The following TMIGD3 variants were observed in gnomAD, a reference collection of about 807,000 sequenced individuals.
TMIGD3 encodes AD026 protein (AD026).
A neutral mutation model predicts 28.1 loss-of-function variants in TMIGD3; 21 were observed. That is an observed-to-expected ratio of 0.75 (90% CI 0.53 to 1.08). TMIGD3 has a LOEUF of 1.08. Among genes scored for constraint, TMIGD3 ranks in the 50% least tolerant of loss-of-function variants. The pLI, the probability that TMIGD3 is intolerant of heterozygous loss-of-function variation, is 0.00. For missense variants in TMIGD3, 416 were observed against 435.6 expected, an observed-to-expected ratio of 0.96 and a Z score of 0.40; for synonymous variants, 151 against 162.1, an observed-to-expected ratio of 0.93 and a Z score of 0.52.
chr1:111,538,581 G>A (rs1366576396), intron 1 of TMIGD3, among the ~76,000 whole-genome samples: 1 of 152,138 alleles, frequency 6.6e-6, no homozygotes, highest in African/African-American at 2.4e-5. Flanking sequence ...GATGTGCCAG[G>A]AACCAAGCCC....
At chr1:111,534,031 GA>G (rs1165083605) in intron 1 of TMIGD3, among the ~76,000 whole-genome samples, 2 of 152,040 alleles carry the variant, frequency 1.3e-5, no homozygotes, top group African/African-American at 4.8e-5. Flanking sequence ...TTGTTCTGAG[GA>G]TAAGTTAATA....
At chr1:111,559,687 C>T (rs1490407923) in intron 1 of TMIGD3, among the ~76,000 whole-genome samples, 1 of 152,044 alleles carries the variant, frequency 6.6e-6, no homozygotes, top group Non-Finnish European at 1.5e-5. Flanking sequence ...TTAAAACATC[C>T]ATGTTCCTTT....
chr1:111,562,658 G>T (rs923162678), intron 1 of TMIGD3, among the ~76,000 whole-genome samples: 59 of 152,162 alleles, frequency 3.9e-4, no homozygotes, highest in African/African-American at 1.4e-3. Flanking sequence ...TAAACCCACT[G>T]CCATGTTTCA....
chr1:111,519,141 G>A (rs939421656), intron 1 of TMIGD3, among the ~76,000 whole-genome samples: 1 of 152,118 alleles, frequency 6.6e-6, no homozygotes, highest in African/African-American at 2.4e-5. Context: ...GTTTCACCAT[G>A]TTGGCCAGGC....
At chr1:111,546,513 C>A (rs928115761) in intron 1 of TMIGD3, among the ~76,000 whole-genome samples, 1 of 152,138 alleles carries the variant, frequency 6.6e-6, no homozygotes, top group African/African-American at 2.4e-5. Flanking sequence ...TAAGTGAAAT[C>A]ACATAATACT....
At chr1:111,505,123 CCAA>C (rs1655439234), upstream of TMIGD3, 22 of 141,262 alleles carry the variant, frequency 1.6e-4, no homozygotes, top group Non-Finnish European at 2.2e-4. Context: ...CAGCACTCTG[CCAA>C]AAAAAAAAAA....
intron 1 of TMIGD3, among the ~76,000 whole-genome samples, chr1:111,533,189 G>A (rs1656512297): frequency 6.6e-6 from 1 of 152,114 alleles, no homozygotes; most frequent in Admixed American, 6.6e-5. Flanking sequence ...GTACGTGGAG[G>A]ACACAAGTTT....
chr1:111,486,533 C>A, intron 4 of TMIGD3, 53 bp downstream of exon 4: 1 of 1,405,636 alleles, frequency 7.1e-7, no homozygotes, highest in South Asian at 1.2e-5. Context: ...ACCCCAGCCC[C>A]TACCTCCACC....
chr1:111,491,384 G>A (rs1307234462), intron 1 of TMIGD3, among the ~76,000 whole-genome samples: 18 of 152,250 alleles, frequency 1.2e-4, no homozygotes, highest in Non-Finnish European at 2.6e-4. Flanking sequence ...CTATGCAGCA[G>A]CAGCTTCTCC....
intron 1 of TMIGD3, among the ~76,000 whole-genome samples, chr1:111,491,065 C>T (rs1415536397): frequency 1.3e-5 from 2 of 152,244 alleles, no homozygotes; most frequent in African/African-American, 4.8e-5. Flanking sequence ...TGTCCTGCTG[C>T]CAATGGTCCT....
intron 1 of TMIGD3, among the ~76,000 whole-genome samples, chr1:111,541,738 A>G (rs1446953532): frequency 6.6e-6 from 1 of 152,162 alleles, no homozygotes. Flanking sequence ...AGCAGACCCT[A>G]AGAAACCCAA....
chr1:111,519,004 T>G (rs1022369135), intron 1 of TMIGD3, among the ~76,000 whole-genome samples: 1 of 152,214 alleles, frequency 6.6e-6, no homozygotes, highest in Non-Finnish European at 1.5e-5. Context: ...AGTGCCGTGA[T>G]CTTGACTCAC....
intron 1 of TMIGD3, among the ~76,000 whole-genome samples, chr1:111,496,180 T>G (rs1203134031): frequency 1.3e-5 from 2 of 152,168 alleles, no homozygotes; most frequent in Non-Finnish European, 2.9e-5. Context: ...AAATTAAAAT[T>G]TTTAAAAAGA....
At chr1:111,560,375 G>A (rs551435030) in intron 1 of TMIGD3, among the ~76,000 whole-genome samples, 1 of 151,834 alleles carries the variant, frequency 6.6e-6, no homozygotes, top group Non-Finnish European at 1.5e-5. Context: ...TAAGGCAGGG[G>A]CTGATATTCA....
At chr1:111,520,546 G>A (rs958792635) in intron 1 of TMIGD3, among the ~76,000 whole-genome samples, 1 of 152,206 alleles carries the variant, frequency 6.6e-6, no homozygotes, top group Non-Finnish European at 1.5e-5. Context: ...TAGTAGTAAA[G>A]GCAGAAACTG....
Position 111,503,114 on chromosome 1 carries a change from A to G in TMIGD3, c.241T>C (p.Tyr81His). 1.2e-6 allele frequency: 2 copies of G among 1,614,230 alleles called. No individual in the cohort carries two copies. Reference sequence around the variant, plus strand: ...AGGCAAGTCATAAAAAGGCAGCTGTAGAAGTGGATTGTGATGCCCAGGCTG... The same window carrying G: ...AGGCAAGTCATAAAAAGGCAGCTGTGGAAGTGGATTGTGATGCCCAGGCTG... ...VVSLGITIHFYSCLFMTCLLL... is the reference protein window; with the variant it reads ...VVSLGITIHFHSCLFMTCLLL... The change falls in exon 1 of 6, where the codon TAC becomes CAC. Residue 81 changes from tyrosine to histidine, a missense_variant. By Grantham distance (83) the Tyr-to-His change is moderately conservative (BLOSUM62 2). Transcript: ENST00000369716.
At chr1:111,517,288 G>T in intron 1 of TMIGD3, among the ~76,000 whole-genome samples, 1 of 151,888 alleles carries the variant, frequency 6.6e-6, no homozygotes, top group South Asian at 2.1e-4. Context: ...GCTTTATGCT[G>T]CTATGGCAAT....
Position 111,515,308 on chromosome 1 carries a change from T to C in TMIGD3, c.108-24546A>G, listed in dbSNP as rs77539994. Among the ~76,000 whole-genome samples, 311 of 152,294 alleles carry C rather than the reference T, an allele frequency of 2.0e-3. 1 individual carries two copies. The highest frequency in any genetic ancestry group is 7.2e-3 in the African/African-American group (299 of 41,568). On this transcript the variant is annotated intron_variant, in intron 1 of 5. Transcript: ENST00000369717. ...TCCTTCCTGATTTCACTGGGGTCGCTGAACCAGAACTCCCACCTACTAAAA... is the reference window on the plus strand; with the variant it reads ...TCCTTCCTGATTTCACTGGGGTCGCCGAACCAGAACTCCCACCTACTAAAA...
At chr1:111,550,482 T>C (rs1293833175) in intron 1 of TMIGD3, among the ~76,000 whole-genome samples, 6 of 152,230 alleles carry the variant, frequency 3.9e-5, no homozygotes, top group Non-Finnish European at 7.3e-5. Context: ...TAAATTTCCC[T>C]CTAAGCATTC....
Sources: gnomAD v4.1 joint callset for allele counts (sites outside exome capture counted in the v4.1 genomes callset) on GRCh38, gnomAD v4.1.1 for gene constraint, MANE v1.5 for transcripts, NCBI Gene and HGNC (gene_info 2026-07-23, HGNC 2026-07-21) for gene names.